The following TAS2R1 variants were observed in gnomAD, a reference collection of about 807,000 sequenced individuals.
TAS2R1 encodes the protein taste 2 receptor member 1, also known as taste receptor type 2 member 1.
For synonymous variants in TAS2R1, 141 were observed against 134.2 expected (o/e 1.05, Z -0.35); for missense variants, 370 against 353.4 (o/e 1.05, Z -0.38).
chr5:9,720,997 C>G, the TAS2R1 span, among the ~76,000 whole-genome samples: 3 of 151,804 alleles, frequency 2.0e-5, no homozygotes, highest in African/African-American at 7.2e-5. Context: ...GCTGCTGCAG[C>G]GCCCACCCTG....
chr5:9,770,837 C>A, the TAS2R1 span, among the ~76,000 whole-genome samples: 1 of 152,120 alleles, frequency 6.6e-6, no homozygotes, highest in South Asian at 2.1e-4. Context: ...ATAATATCTG[C>A]AAACAAGGAT....
At chr5:9,643,439 G>C (rs1203698479) in intron 2 of TAS2R1, among the ~76,000 whole-genome samples, 1 of 152,170 alleles carries the variant, frequency 6.6e-6, no homozygotes, top group Admixed American at 6.5e-5. Flanking sequence ...TGTCATATGT[G>C]TGTAGGGCAA....
At chr5:9,805,612 T>C in the TAS2R1 span, among the ~76,000 whole-genome samples, 6 of 152,166 alleles carry the variant, frequency 3.9e-5, no homozygotes, top group Non-Finnish European at 2.9e-5. Flanking sequence ...TCAATAAATG[T>C]GATACACCAC....
chr5:9,898,910 T>C, the TAS2R1 span, among the ~76,000 whole-genome samples: 14 of 152,318 alleles, frequency 9.2e-5, no homozygotes, highest in East Asian at 1.9e-4. Flanking sequence ...CTCATGCTAA[T>C]TAACAATTAT....
At chr5:9,736,929 C>G in the TAS2R1 span, among the ~76,000 whole-genome samples, 1 of 152,154 alleles carries the variant, frequency 6.6e-6, no homozygotes, top group Admixed American at 6.5e-5. Flanking sequence ...TGCCCCCACC[C>G]TTTCTCATTA....
the TAS2R1 span, among the ~76,000 whole-genome samples, chr5:9,801,624 C>G: frequency 6.6e-6 from 1 of 152,168 alleles, no homozygotes; most frequent in Non-Finnish European, 1.5e-5. Context: ...AGCTGGTGGT[C>G]TGGGGCAAGT....
chr5:9,662,798 A>G (rs1740564373), intron 1 of TAS2R1, among the ~76,000 whole-genome samples: 1 of 152,220 alleles, frequency 6.6e-6, no homozygotes, highest in South Asian at 2.1e-4. Context: ...TCATTTCCGT[A>G]AGAAATTTTG....
the TAS2R1 span, among the ~76,000 whole-genome samples, chr5:9,869,264 AATT>A: frequency 6.6e-6 from 1 of 152,202 alleles, no homozygotes; most frequent in African/African-American, 2.4e-5. Flanking sequence ...AAGACTGGGT[AATT>A]TATAAAGGAA....
At chr5:9,723,512 G>T in the TAS2R1 span, among the ~76,000 whole-genome samples, 1 of 152,164 alleles carries the variant, frequency 6.6e-6, no homozygotes, top group Non-Finnish European at 1.5e-5. Flanking sequence ...GCCAGTCATG[G>T]ACAATATCTG....
the TAS2R1 span, among the ~76,000 whole-genome samples, chr5:9,825,503 T>C: frequency 6.6e-6 from 1 of 152,196 alleles, no homozygotes; most frequent in Non-Finnish European, 1.5e-5. Context: ...AGATGAGATT[T>C]GGGTGTGGAC....
At chr5:9,679,306 G>T (rs1353797898) in intron 1 of TAS2R1, among the ~76,000 whole-genome samples, 1 of 152,138 alleles carries the variant, frequency 6.6e-6, no homozygotes. Context: ...CATTTCTAAA[G>T]CCCGTAGAAT....
At chr5:9,718,745 G>A in the TAS2R1 span, among the ~76,000 whole-genome samples, 1 of 152,164 alleles carries the variant, frequency 6.6e-6, no homozygotes, top group African/African-American at 2.4e-5. Context: ...TTCCAGAAGG[G>A]ATGACAGAGG....
At chr5:9,830,495 T>C in the TAS2R1 span, among the ~76,000 whole-genome samples, 1 of 151,948 alleles carries the variant, frequency 6.6e-6, no homozygotes, top group African/African-American at 2.4e-5. Flanking sequence ...GATGACAGAC[T>C]ATGTAGATGA....
the TAS2R1 span, among the ~76,000 whole-genome samples, chr5:9,874,707 C>T: frequency 9.2e-5 from 14 of 152,116 alleles, no homozygotes; most frequent in Non-Finnish European, 2.1e-4. Flanking sequence ...AGGTGAAAGT[C>T]CCAGACTTGG....
At chr5:9,686,576 A>G (rs764392526) in intron 1 of TAS2R1, among the ~76,000 whole-genome samples, 1 of 152,200 alleles carries the variant, frequency 6.6e-6, no homozygotes, top group Non-Finnish European at 1.5e-5. Context: ...AGGAAAAACA[A>G]CAAAAAAAGA....
the TAS2R1 span, among the ~76,000 whole-genome samples, chr5:9,893,934 A>G: frequency 6.6e-6 from 1 of 152,226 alleles, no homozygotes; most frequent in African/African-American, 2.4e-5. Flanking sequence ...GGGAACTTGG[A>G]AATATGATAA....
the TAS2R1 span, among the ~76,000 whole-genome samples, chr5:9,758,997 C>T: frequency 6.6e-6 from 1 of 152,072 alleles, no homozygotes; most frequent in Non-Finnish European, 1.5e-5. Context: ...GAATGGTGAA[C>T]CATATAATTT....
chr5:9,776,151 G>A, the TAS2R1 span, among the ~76,000 whole-genome samples: 1 of 152,182 alleles, frequency 6.6e-6, no homozygotes, highest in African/African-American at 2.4e-5. Context: ...CTCTGGCTAG[G>A]GCTGGTCTAA....
chr5:9,811,587 T>C, the TAS2R1 span, among the ~76,000 whole-genome samples: 16 of 152,300 alleles, frequency 1.1e-4, no homozygotes, highest in African/African-American at 3.8e-4. Context: ...TCTCCTCTGC[T>C]GGTTCCTCCC....
Sources: allele counts gnomAD v4.1 joint callset (sites outside exome capture counted in the v4.1 genomes callset), GRCh38; gene constraint gnomAD v4.1.1; transcripts MANE v1.5; gene names NCBI Gene and HGNC (gene_info 2026-07-23, HGNC 2026-07-21).